Variants in SART1 observed in about 807,000 individuals in gnomAD.
SART1 encodes U4/U6.U5 tri-snRNP-associated protein 1.
Under a neutral mutation model 105.0 loss-of-function variants are expected in SART1, and 28 were observed. The ratio of observed to expected loss-of-function variants is 0.27; its 90% CI spans 0.20 to 0.37. SART1 has a LOEUF of 0.37. Among genes scored for constraint, SART1 ranks in the 10% least tolerant of loss-of-function variants. The pLI, the probability that SART1 is intolerant of heterozygous loss-of-function variation, is 1.00. For synonymous variants in SART1, 472 were observed against 462.9 expected (o/e 1.02, Z -0.25); for missense variants, 894 against 1,106.5 (o/e 0.81, Z 2.72).
chr11:65,975,384 T>G (rs1177477853), intron 12 of SART1, among the ~76,000 whole-genome samples: 1 of 150,064 alleles, frequency 6.7e-6, no homozygotes, highest in Non-Finnish European at 1.5e-5. Context: ...ATTATAGATG[T>G]GAGCAACCAC....
rs1855528177 is a variant in SART1 at position 65,978,509 on chromosome 11, A to G, written c.2173-91A>G. 2 of 1,297,894 alleles carry G rather than the reference A, an allele frequency of 1.5e-6. No homozygotes were observed. The highest frequency in any genetic ancestry group is 2.2e-6 in the Non-Finnish European group (2 of 921,624). 80.4% of individuals were successfully genotyped at this position (1,297,894 alleles called of 1,614,324 possible). Reference sequence around the variant, plus strand: ...CCAGGCCTGGCATTGGGGTCAATCAACACCCGCCCTGTTATTATACACCTT... The same window carrying G: ...CCAGGCCTGGCATTGGGGTCAATCAGCACCCGCCCTGTTATTATACACCTT... On this transcript the variant is annotated intron_variant, in intron 17 of 19. Transcript: ENST00000312397. The surrounding 1 kb of genome is among the most constrained non-coding windows in gnomAD (Gnocchi z 6.8).
At position 65,978,574 on chromosome 11, in the gene SART1, TCTC is replaced by T. The variant is rs761441104; in HGVS notation, c.2173-22_2173-20del. The T allele has an allele frequency of 1.3e-6, 2 of 1,551,160 alleles. No individual in the cohort carries two copies. The highest frequency in any genetic ancestry group is 4.9e-5 in the East Asian group (2 of 40,984). ...CTCCGGCCCCACCCAGGGCCCTGCATCTCCTCTCATGCCCCGCGTCCCCAGGCT... is the reference window on the plus strand; with the variant it reads ...CTCCGGCCCCACCCAGGGCCCTGCATCTCTCATGCCCCGCGTCCCCAGGCT... On this transcript the variant is annotated intron_variant, in intron 17 of 19. Coordinates refer to ENST00000312397, the MANE Select transcript of SART1 (RefSeq NM_005146.5). The surrounding 1 kb of genome is among the most constrained non-coding windows in gnomAD (Gnocchi z 6.8).
chr11:65,963,482 GT>G (rs1855185967), intron 1 of SART1, among the ~76,000 whole-genome samples: 1 of 149,922 alleles, frequency 6.7e-6, no homozygotes, highest in Admixed American at 6.6e-5. Flanking sequence ...TTTTTTTTTT[GT>G]TTTGTTTTGT....
Position 65,965,910 on chromosome 11 carries a change from G to T in SART1, c.762G>T (p.Leu254=), listed in dbSNP as rs1855242869. ...AGGACCTGTACAGTGCCCGGGACCT[G>T]CAGGGCCTCACCGTGGAGCATGCCA... ...RRQDLYSARD[L]QGLTVEHAID... is the part of the protein sequence containing the mutation. The change falls in exon 7 of 20, where the codon CTG becomes CTT. Residue 254 remains leucine, a synonymous_variant. Transcript: ENST00000312397. 1.9e-6 allele frequency: 3 copies of T among 1,613,978 alleles called. No individual in the cohort carries two copies. The highest frequency in any genetic ancestry group is 3.3e-5 in the Admixed American group (2 of 59,996).
chr11:65,965,652 G>A, intron 5 of SART1, 50 bp from the exon 6 acceptor site: 2 of 1,569,808 alleles, frequency 1.3e-6, no homozygotes, highest in Non-Finnish European at 1.7e-6. Context: ...AGTGTTTTCT[G>A]GTGATGCTGA....
At chr11:65,977,484 G>A in intron 15 of SART1, 79 bp from the exon 16 acceptor site, 2 of 1,214,652 alleles carry the variant, frequency 1.6e-6, no homozygotes, top group South Asian at 1.2e-5. Flanking sequence ...GCCCCCACAG[G>A]GCCTGCTCTG....
intron 12 of SART1, among the ~76,000 whole-genome samples, chr11:65,973,795 C>T (rs142289846): frequency 4.6e-5 from 7 of 152,330 alleles, no homozygotes; most frequent in African/African-American, 1.7e-4. Flanking sequence ...TGATGAGCTA[C>T]AGCCGTGTGC....
chr11:65,967,533 A>G lies in SART1; in HGVS notation c.1376A>G (p.Gln459Arg), dbSNP rs200869280. 6.2e-7 allele frequency: 1 copy of G among 1,612,942 alleles called. No homozygotes were observed. Among genetic ancestry groups the G allele is most frequent in the Non-Finnish European group, 8.5e-7 (1 of 1,179,932 alleles). The change falls in exon 11 of 20, where the codon CAG becomes CGG. Residue 459 changes from glutamine (Q) to arginine (R), a missense_variant. Physicochemically the swap from Gln to Arg is conservative, Grantham distance 43 (BLOSUM62 1). Transcript: ENST00000312397. The part of the protein sequence containing the change: ...EVEEEKEPVP[Q>R]PLPSDDTRVE... The stretch of plus-strand genomic sequence containing the variant: ...GAGGAGGAGAAGGAGCCTGTGCCTC[A>G]GCCCCTGCCGTCGGACGACACCCGA...
chr11:65,962,287 C>T (rs948541560), intron 1 of SART1, among the ~76,000 whole-genome samples, 194 bp downstream of exon 1: 22 of 152,202 alleles, frequency 1.4e-4, no homozygotes, highest in Admixed American at 1.3e-3. Flanking sequence ...TGCGGTCCCG[C>T]CAGTGTACTC....
At chr11:65,977,286 T>A (rs1481425863) in intron 15 of SART1, among the ~76,000 whole-genome samples, 185 bp downstream of exon 15, 1 of 152,178 alleles carries the variant, frequency 6.6e-6, no homozygotes, top group East Asian at 1.9e-4. Flanking sequence ...CCTTTGAGGC[T>A]CCACACCTGC....
At chr11:65,971,936 T>G (rs984216067) in intron 12 of SART1, among the ~76,000 whole-genome samples, 1 of 151,984 alleles carries the variant, frequency 6.6e-6, no homozygotes, top group Non-Finnish European at 1.5e-5. Flanking sequence ...GGGGTTGTTT[T>G]GTTTTGTGAT....
At chr11:65,965,028 T>A (rs574155416) in intron 3 of SART1, 64 bp from the exon 4 acceptor site, 38 of 1,511,218 alleles carry the variant, frequency 2.5e-5, no homozygotes, top group Non-Finnish European at 5.3e-6. Flanking sequence ...GCAGGGTGAG[T>A]GGCTCCCTCC....
chr11:65,976,278 C>A lies in SART1; in HGVS notation c.1573-117C>A, dbSNP rs147204944. The A allele has an allele frequency of 1.2e-5, 13 of 1,051,230 alleles. 1 individual carries two copies. The African/African-American group carries it at 1.3e-4, about 10-fold the overall frequency. The allele number at this position is 1,051,230 out of a possible 1,614,324, so 65.1% of individuals were successfully genotyped here. A position where few individuals can be genotyped will look rare whatever the true frequency, so the allele number is the denominator to read the frequency against. ...AGGCGGCAGATAGCAGCTGGGCCTG[C>A]ATGGGCTGTGGGCGTGGCCTGTCTG... On this transcript the variant is annotated intron_variant, in intron 12 of 19. Transcript: ENST00000312397. The surrounding 1 kb of genome is among the most constrained non-coding windows in gnomAD (Gnocchi z 5.1).
In SART1 at chr11:65,965,159, G is replaced by A; in HGVS notation, c.495G>A (p.Glu165=). Residue 165 remains glutamate, a synonymous_variant, in exon 4 of 20, where the codon GAG becomes GAA. Coordinates refer to ENST00000312397, the MANE Select transcript of SART1 (RefSeq NM_005146.5). Reference sequence around the variant, plus strand: ...ACCCTATGGCCTTGCGACAGCGAGAGGAGCTGCGGGAGAAGCTGGCGGCTG... The same window carrying A: ...ACCCTATGGCCTTGCGACAGCGAGAAGAGCTGCGGGAGAAGCTGGCGGCTG... ...VINPMALRQR[E]ELREKLAAAK... is the part of the protein sequence containing the mutation. The A allele has an allele frequency of 6.2e-7, 1 of 1,604,952 alleles. No individual in the cohort carries two copies. The highest frequency in any genetic ancestry group is 8.5e-7 in the Non-Finnish European group (1 of 1,177,932).
Position 65,976,584 on chromosome 11 carries a change from C to G in SART1, c.1746+16C>G. The G allele has an allele frequency of 6.2e-7, 1 of 1,613,200 alleles. No homozygotes were observed. The highest frequency in any genetic ancestry group is 8.5e-7 in the Non-Finnish European group (1 of 1,179,774). ...GGAGCTCATGGTGCGTCTGGGGCGG[C>G]CCCGCCCTCTGCTTCCCTCGGCTGG... On this transcript the variant is annotated intron_variant, in intron 13 of 19. Transcript: ENST00000312397. This position sits in a 1 kb window ranked among gnomAD's most constrained non-coding sequence, Gnocchi z 5.1.
At chr11:65,975,255 A>G (rs1233957430) in intron 12 of SART1, among the ~76,000 whole-genome samples, 1 of 151,370 alleles carries the variant, frequency 6.6e-6, no homozygotes, top group East Asian at 1.9e-4. Flanking sequence ...GGCATACACC[A>G]CCATGCCTGG....
At position 65,979,394 on chromosome 11, in the gene SART1, C is replaced by T. The variant is rs1855547530; in HGVS notation, c.*364C>T. On this transcript the variant is annotated 3_prime_UTR_variant, in exon 20 of 20. Transcript: ENST00000312397. The stretch of plus-strand genomic sequence containing the variant: ...CTGTAATGTCTCCCGGTCAGGGCAG[C>T]CCAGGACTGCCCAGCCTGGTGGGCT... 3.0e-6 allele frequency: 1 copy of T among 329,530 alleles called. No individual in the cohort carries two copies. The highest frequency in any genetic ancestry group is 5.7e-6 in the Non-Finnish European group (1 of 175,838). The allele number at this position is 329,530 out of a possible 1,614,324, so 20.4% of individuals were successfully genotyped here.
intron 1 of SART1, among the ~76,000 whole-genome samples, chr11:65,962,584 C>G (rs1055895945): frequency 6.6e-6 from 1 of 152,170 alleles, no homozygotes; most frequent in African/African-American, 2.4e-5. Context: ...ACAAAGGACC[C>G]TGTACTGTAG....
intron 12 of SART1, among the ~76,000 whole-genome samples, chr11:65,975,030 A>G (rs1371458630): frequency 2.0e-5 from 3 of 151,600 alleles, no homozygotes; most frequent in Non-Finnish European, 2.9e-5. Context: ...ACAAAGTGAG[A>G]CTCTGTCTCA....
Sources: allele counts gnomAD v4.1 joint callset (sites outside exome capture counted in the v4.1 genomes callset), GRCh38; gene constraint gnomAD v4.1.1; non-coding constraint Gnocchi (gnomAD v3.1); transcripts MANE v1.5; gene names NCBI Gene and HGNC (gene_info 2026-07-23, HGNC 2026-07-21).